Variants in NELL1 observed in about 807,000 individuals in gnomAD.
NELL1 encodes the protein neural EGFL like 1, also known as protein kinase C-binding protein NELL1.
A neutral mutation model predicts 107.4 loss-of-function variants in NELL1; 76 were observed. The ratio of observed to expected loss-of-function variants is 0.71; its 90% CI spans 0.59 to 0.86. The LOEUF is 0.86. Ranked by LOEUF, NELL1 falls within the 40% of genes least tolerant of loss-of-function variation. The pLI is 0.00. For synonymous variants in NELL1, 353 were observed against 341.2 expected (o/e 1.03, Z -0.38); for missense variants, 1,024 against 1,005.5 (o/e 1.02, Z -0.25).
intron 14 of NELL1, among the ~76,000 whole-genome samples, chr11:21,326,124 TTC>T (rs140839580): frequency 0.42 from 55,432 of 132,532 alleles, 12,274 homozygotes; most frequent in Admixed American, 0.49. Flanking sequence ...CTTACACTAA[TTC>T]TCTTTTTGGC....
At chr11:21,288,013 G>T (rs1468117878) in intron 14 of NELL1, among the ~76,000 whole-genome samples, 1 of 148,842 alleles carries the variant, frequency 6.7e-6, no homozygotes, top group African/African-American at 2.5e-5. Context: ...AAGAAATAAG[G>T]GAAGGAAAGA....
At chr11:20,804,903 A>C (rs932517936) in intron 3 of NELL1, among the ~76,000 whole-genome samples, 18 of 152,122 alleles carry the variant, frequency 1.2e-4, no homozygotes, top group African/African-American at 4.3e-4. Context: ...TATTTTATTG[A>C]GATCTCTCTT....
intron 9 of NELL1, among the ~76,000 whole-genome samples, chr11:20,933,920 T>G (rs1850669274): frequency 1.3e-5 from 2 of 152,218 alleles, no homozygotes; most frequent in Non-Finnish European, 2.9e-5. Flanking sequence ...GTGTTGGTGC[T>G]AGGTTTCAAT....
chr11:20,890,728 T>C (rs1849600347), intron 5 of NELL1, among the ~76,000 whole-genome samples: 1 of 151,560 alleles, frequency 6.6e-6, no homozygotes, highest in Admixed American at 6.6e-5. Flanking sequence ...CAAGTATCAA[T>C]AGCTGAATTG....
intron 12 of NELL1, among the ~76,000 whole-genome samples, chr11:21,088,762 T>C (rs1854456932): frequency 6.6e-6 from 1 of 152,170 alleles, no homozygotes; most frequent in Non-Finnish European, 1.5e-5. Flanking sequence ...ATGTTCATAC[T>C]CTTTGGGAGA....
intron 12 of NELL1, among the ~76,000 whole-genome samples, chr11:21,111,535 G>GTATA (rs1182544282): frequency 6.6e-6 from 1 of 152,114 alleles, no homozygotes; most frequent in East Asian, 1.9e-4. Context: ...CATGCAACAG[G>GTATA]TATATGGTGC....
intron 15 of NELL1, among the ~76,000 whole-genome samples, chr11:21,525,306 T>TTTTGTGTATTAAGG (rs1564940884): frequency 6.6e-6 from 1 of 152,178 alleles, no homozygotes; most frequent in Non-Finnish European, 1.5e-5. Flanking sequence ...AAAAACTAGT[T>TTTTGTGTATTAAGG]ACTAATAAGG....
At chr11:20,828,576 C>A (rs539520542) in intron 3 of NELL1, among the ~76,000 whole-genome samples, 73 of 152,274 alleles carry the variant, frequency 4.8e-4, no homozygotes, top group Non-Finnish European at 9.4e-4. Flanking sequence ...ATTTGTGGAA[C>A]TGTCTTGGGG....
rs79937739 is a variant in NELL1, at chr11:21,437,930, T to C, written c.1645+66982T>C. Among the ~76,000 whole-genome samples the C allele has an allele frequency of 1.4e-4, 22 of 152,348 alleles. No homozygotes were observed. In the East Asian group the frequency reaches 4.2e-3, roughly 29 times the overall value. ...GATAGGTGAAAAGTTACTTCTGTCC[T>C]TTCACTAGTTGGTTTCTGAAGTGTT... On this transcript the variant is annotated intron_variant, in intron 15 of 19. Coordinates refer to ENST00000357134, the MANE Select transcript of NELL1 (RefSeq NM_006157.5).
chr11:21,012,296 T>C (rs947164344), intron 12 of NELL1, among the ~76,000 whole-genome samples: 5 of 152,150 alleles, frequency 3.3e-5, no homozygotes, highest in Admixed American at 6.5e-5. Flanking sequence ...ATTGTCTGTG[T>C]TCAACATTCA....
At chr11:21,380,517 C>A (rs768754664) in intron 15 of NELL1, among the ~76,000 whole-genome samples, 24 of 151,964 alleles carry the variant, frequency 1.6e-4, no homozygotes, top group Non-Finnish European at 2.4e-4. Context: ...TGTTCAGTAA[C>A]CCCTTTCATC....
chr11:21,105,731 A>G (rs1590640946), intron 12 of NELL1, among the ~76,000 whole-genome samples: 1 of 150,972 alleles, frequency 6.6e-6, no homozygotes, highest in Middle Eastern at 3.5e-3. Flanking sequence ...TACCCTCACT[A>G]TCTGCCTAAA....
chr11:20,937,430 G>C (rs1053232956), intron 9 of NELL1, among the ~76,000 whole-genome samples: 2 of 152,194 alleles, frequency 1.3e-5, no homozygotes, highest in African/African-American at 4.8e-5. Flanking sequence ...CATTTTAGCT[G>C]GAGTGTCTGA....
intron 15 of NELL1, among the ~76,000 whole-genome samples, chr11:21,398,421 G>A (rs1007045522): frequency 6.6e-6 from 1 of 151,758 alleles, no homozygotes; most frequent in African/African-American, 2.4e-5. Flanking sequence ...TCATAAATGT[G>A]CATGAGTCCA....
At chr11:20,751,282 G>T (rs11025739) in intron 2 of NELL1, among the ~76,000 whole-genome samples, 1 of 151,442 alleles carries the variant, frequency 6.6e-6, no homozygotes, top group Non-Finnish European at 1.5e-5. Context: ...ATTTTGATTT[G>T]GATTGCATTA....
chr11:20,735,143 G>T (rs1434538809), intron 2 of NELL1, among the ~76,000 whole-genome samples: 1 of 152,146 alleles, frequency 6.6e-6, no homozygotes, highest in East Asian at 1.9e-4. Context: ...AAAGTGTTTT[G>T]CAATGGATGC....
intron 12 of NELL1, among the ~76,000 whole-genome samples, chr11:21,004,714 T>TTG (rs143748369): frequency 3.3e-5 from 5 of 152,014 alleles, no homozygotes; most frequent in South Asian, 4.2e-4. Context: ...AGGGCCATCC[T>TTG]TGTGTGTGTG....
intron 2 of NELL1, among the ~76,000 whole-genome samples, chr11:20,688,686 G>T (rs1854371355): frequency 6.6e-6 from 1 of 152,094 alleles, no homozygotes; most frequent in Non-Finnish European, 1.5e-5. Flanking sequence ...GAATAGTGCT[G>T]CAACAAACAT....
At chr11:21,023,761 C>T (rs1259438265) in intron 12 of NELL1, among the ~76,000 whole-genome samples, 11 of 152,032 alleles carry the variant, frequency 7.2e-5, no homozygotes, top group Non-Finnish European at 2.9e-5. Flanking sequence ...TGGCTCCAGC[C>T]CCCACCTGCA....
Sources: allele counts gnomAD v4.1 joint callset (sites outside exome capture counted in the v4.1 genomes callset), GRCh38; gene constraint gnomAD v4.1.1; transcripts MANE v1.5; gene names NCBI Gene and HGNC (gene_info 2026-07-23, HGNC 2026-07-21).